The following PRKG1 variants were observed in gnomAD, a reference collection of about 807,000 sequenced individuals.
PRKG1 encodes the protein protein kinase cGMP-dependent 1.
In PRKG1, 35 loss-of-function variants were observed where a neutral mutation model predicts 88.1. The observed-to-expected ratio is 0.40, with a 90% confidence interval of 0.30 to 0.53. The LOEUF (loss-of-function observed/expected upper bound fraction) is 0.53, where lower values mean the gene tolerates loss of function less well. Among genes scored for constraint, PRKG1 ranks in the 20% least tolerant of loss-of-function variants. The pLI, the probability that PRKG1 is intolerant of heterozygous loss-of-function variation, is 0.59. For missense variants in PRKG1, 540 were observed against 839.8 expected (o/e 0.64, Z 4.41); for synonymous variants, 303 against 292.5 (o/e 1.04, Z -0.37).
At chr10:52,170,342 G>T (rs141692360) in intron 9 of PRKG1, among the ~76,000 whole-genome samples, 6 of 152,088 alleles carry the variant, frequency 3.9e-5, no homozygotes, top group African/African-American at 1.4e-4. Flanking sequence ...CCCCAAAAAG[G>T]ACATTCATAA....
At chr10:51,717,166 A>G (rs1841906541) in intron 3 of PRKG1, among the ~76,000 whole-genome samples, 1 of 152,240 alleles carries the variant, frequency 6.6e-6, no homozygotes, top group Admixed American at 6.5e-5. Flanking sequence ...AAAATAGAGC[A>G]GAGCAAGACT....
chr10:52,029,340 AC>A (rs571008336), intron 5 of PRKG1, among the ~76,000 whole-genome samples: 92 of 152,160 alleles, frequency 6.0e-4, no homozygotes, highest in African/African-American at 2.1e-3. Flanking sequence ...AAATCTCTCC[AC>A]CAAGCTCACA....
chr10:51,548,406 C>A (rs1842494811), intron 3 of PRKG1, among the ~76,000 whole-genome samples: 1 of 152,038 alleles, frequency 6.6e-6, no homozygotes, highest in Non-Finnish European at 1.5e-5. Context: ...TAGATTGGTA[C>A]CAAACTTGGT....
Position 52,251,632 on chromosome 10 carries a change from C to T in PRKG1, c.1139C>T (p.Thr380Ile). Residue 380 changes from threonine to isoleucine, a missense_variant, in exon 10 of 18, where the codon ACC (threonine) becomes ATC (isoleucine). Coordinates refer to ENST00000373980, the MANE Select transcript of PRKG1 (RefSeq NM_006258.4). ...CTGTCTGATTTCAACATCATTGATA[C>T]CCTTGGAGTTGGAGGTTTCGGACGA... is the stretch of plus-strand genomic sequence containing the variant. ...LKLSDFNIID[T>I]LGVGGFGRVE... 1 of 1,613,522 alleles carries T rather than the reference C, an allele frequency of 6.2e-7. No individual in the cohort carries two copies. The highest frequency in any genetic ancestry group is 2.2e-5 in the East Asian group (1 of 44,858).
intron 1 of PRKG1, among the ~76,000 whole-genome samples, chr10:51,121,265 T>G (rs1845254318): frequency 6.6e-6 from 1 of 152,166 alleles, no homozygotes; most frequent in African/African-American, 2.4e-5. Context: ...ATTCTGAGAA[T>G]CCGAAAGTGG....
intron 1 of PRKG1, among the ~76,000 whole-genome samples, chr10:51,049,400 A>G (rs993490360): frequency 6.6e-6 from 1 of 152,232 alleles, no homozygotes; most frequent in Non-Finnish European, 1.5e-5. Flanking sequence ...CTAATGAGGA[A>G]ACAATTTTTA....
At chr10:52,271,599 ACTT>A (rs1841732265) in intron 11 of PRKG1, 110 bp downstream of exon 11, 6 of 1,141,256 alleles carry the variant, frequency 5.3e-6, no homozygotes, top group South Asian at 2.6e-5. Context: ...GCACAAAGAA[ACTT>A]CTTTTTAATC....
At chr10:51,169,887 T>G (rs1846654636) in intron 2 of PRKG1, among the ~76,000 whole-genome samples, 2 of 152,138 alleles carry the variant, frequency 1.3e-5, no homozygotes, top group African/African-American at 4.8e-5. Context: ...CCTGCTTCCC[T>G]ACTAGATTCT....
At chr10:51,238,444 G>T (rs971550708) in intron 2 of PRKG1, among the ~76,000 whole-genome samples, 1 of 152,086 alleles carries the variant, frequency 6.6e-6, no homozygotes, top group Admixed American at 6.6e-5. Context: ...TTAGCTGGGC[G>T]TGGTGGCGGG....
At chr10:51,909,628 T>C (rs1842171995) in intron 5 of PRKG1, 2 of 152,076 alleles carry the variant, frequency 1.3e-5, no homozygotes, top group Admixed American at 6.5e-5. Context: ...AATGAATGAA[T>C]GAATGAAGAG....
chr10:51,310,306 T>G (rs1045524680), intron 2 of PRKG1, among the ~76,000 whole-genome samples: 8 of 152,218 alleles, frequency 5.3e-5, no homozygotes, highest in African/African-American at 1.9e-4. Flanking sequence ...AATATCTTCA[T>G]GTCCTATTGA....
chr10:51,717,928 CTTGA>C (rs918102892), intron 3 of PRKG1, among the ~76,000 whole-genome samples: 9 of 152,098 alleles, frequency 5.9e-5, no homozygotes, highest in Admixed American at 3.9e-4. Context: ...TGGTTTCTGC[CTTGA>C]TTATTACATT....
chr10:51,878,067 A>G (rs541134979), intron 4 of PRKG1, among the ~76,000 whole-genome samples: 2 of 152,346 alleles, frequency 1.3e-5, no homozygotes, highest in Non-Finnish European at 2.9e-5. Flanking sequence ...CTAAGTTAAC[A>G]TAATTCAATT....
intron 2 of PRKG1, among the ~76,000 whole-genome samples, chr10:51,250,622 A>T (rs943360369): frequency 6.6e-6 from 1 of 151,798 alleles, no homozygotes; most frequent in Non-Finnish European, 1.5e-5. Context: ...TTCTTTCTAA[A>T]GTTTGTGCCT....
At chr10:51,600,157 A>G (rs1699299682) in intron 3 of PRKG1, among the ~76,000 whole-genome samples, 1 of 152,000 alleles carries the variant, frequency 6.6e-6, no homozygotes, top group Non-Finnish European at 1.5e-5. Flanking sequence ...TTCATGATTT[A>G]CTTCTCTTGT....
intron 4 of PRKG1, among the ~76,000 whole-genome samples, chr10:51,867,114 G>A (rs907329357): frequency 6.6e-6 from 1 of 152,220 alleles, no homozygotes; most frequent in Non-Finnish European, 1.5e-5. Context: ...TAGCCTAAAA[G>A]GTACAGAGCA....
At chr10:51,884,336 A>T (rs1379537980) in intron 4 of PRKG1, among the ~76,000 whole-genome samples, 11 of 141,366 alleles carry the variant, frequency 7.8e-5, no homozygotes, top group African/African-American at 2.6e-4. Context: ...TCCCAGCTAC[A>T]CGGGAGGCTG....
At chr10:51,909,947 A>C (rs576274017) in intron 5 of PRKG1, 2 of 152,214 alleles carry the variant, frequency 1.3e-5, no homozygotes, top group Non-Finnish European at 2.9e-5. Flanking sequence ...AGCACAAGAG[A>C]ATAGGCGCTG....
intron 4 of PRKG1, among the ~76,000 whole-genome samples, chr10:51,898,280 A>C (rs903610869): frequency 6.6e-6 from 1 of 152,146 alleles, no homozygotes; most frequent in Non-Finnish European, 1.5e-5. Context: ...TACCCTGTTC[A>C]TCTTTAAATC....
Sources: allele counts gnomAD v4.1 joint callset (sites outside exome capture counted in the v4.1 genomes callset), GRCh38; gene constraint gnomAD v4.1.1; transcripts MANE v1.5; gene names NCBI Gene and HGNC (gene_info 2026-07-23, HGNC 2026-07-21).